MYO1D: variants seen among roughly 807,000 people sequenced by gnomAD.
MYO1D encodes the protein myosin ID.
In MYO1D, 83 loss-of-function variants were observed where a neutral mutation model predicts 122.0. The ratio of observed to expected loss-of-function variants is 0.68; its 90% CI spans 0.57 to 0.82. The LOEUF (loss-of-function observed/expected upper bound fraction) is 0.82. MYO1D is among the 40% of genes least tolerant of loss of function. MYO1D has a pLI of 0.00. For missense variants in MYO1D, 1,157 were observed against 1,269.5 expected (o/e 0.91, Z 1.35); for synonymous variants, 464 against 446.9 (o/e 1.04, Z -0.48).
chr17:32,819,597 A>C (rs2090643022), intron 1 of MYO1D, among the ~76,000 whole-genome samples: 1 of 152,220 alleles, frequency 6.6e-6, no homozygotes, highest in Non-Finnish European at 1.5e-5. Context: ...CAGATGCTTC[A>C]GGAAAGCAAT....
At position 32,524,739 on chromosome 17, in the gene MYO1D, T is replaced by C. The variant is rs147562918; in HGVS notation, c.2865-29824A>G. 6.8e-3 allele frequency among the ~76,000 whole-genome samples: 1,033 copies of C among 152,204 alleles called. 14 individuals carry two copies. Among genetic ancestry groups the C allele is most frequent in the African/African-American group, 0.023 (971 of 41,538 alleles). On this transcript the variant is annotated intron_variant, in intron 21 of 21. Coordinates refer to ENST00000318217, the MANE Select transcript of MYO1D (RefSeq NM_015194.3). ...CACCATGCCTGGCTGATTTTTGTAT[T>C]TTTAGTAGAGATGGGGTTTCACCAT... is the stretch of plus-strand genomic sequence containing the variant.
chr17:32,733,745 A>C (rs2089666529), intron 14 of MYO1D, among the ~76,000 whole-genome samples: 1 of 151,750 alleles, frequency 6.6e-6, no homozygotes, highest in South Asian at 2.1e-4. Flanking sequence ...TTTTTCCTTC[A>C]CTCAGTTAAC....
intron 20 of MYO1D, among the ~76,000 whole-genome samples, chr17:32,612,972 T>G (rs1371043091): frequency 6.6e-6 from 1 of 152,024 alleles, no homozygotes; most frequent in African/African-American, 2.4e-5. Flanking sequence ...TTTTGTCATG[T>G]TGCCCAGGCT....
chr17:32,809,127 T>G (rs953198545), intron 1 of MYO1D, among the ~76,000 whole-genome samples: 8 of 132,274 alleles, frequency 6.0e-5, no homozygotes, highest in African/African-American at 2.3e-4. Flanking sequence ...TTCATTTTTG[T>G]TTTTGATAAA....
intron 21 of MYO1D, among the ~76,000 whole-genome samples, chr17:32,560,116 G>A (rs1597897689): frequency 6.6e-6 from 1 of 152,150 alleles, no homozygotes; most frequent in African/African-American, 2.4e-5. Context: ...TTAGCCAGGT[G>A]TGGTGGCATG....
intron 1 of MYO1D, among the ~76,000 whole-genome samples, chr17:32,872,785 T>C (rs1309125625): frequency 1.4e-5 from 2 of 145,186 alleles, no homozygotes; most frequent in Non-Finnish European, 1.5e-5. Flanking sequence ...CAAGCTCCGC[T>C]TCCCGGGTTC....
chr17:32,846,377 C>T (rs2090937786), intron 1 of MYO1D, among the ~76,000 whole-genome samples: 1 of 152,126 alleles, frequency 6.6e-6, no homozygotes. Flanking sequence ...TAACAGAGTC[C>T]ACAATATGAG....
intron 21 of MYO1D, among the ~76,000 whole-genome samples, chr17:32,600,759 G>A (rs1404763839): frequency 1.3e-5 from 2 of 152,122 alleles, no homozygotes; most frequent in Non-Finnish European, 2.9e-5. Flanking sequence ...AACTTTCTCC[G>A]TATCAGCAAT....
At chr17:32,668,102 T>A (rs1410585501) in intron 16 of MYO1D, among the ~76,000 whole-genome samples, 2 of 152,218 alleles carry the variant, frequency 1.3e-5, no homozygotes, top group Non-Finnish European at 2.9e-5. Context: ...GTGACTGCTT[T>A]CTTTTGTTTG....
chr17:32,529,957 GT>G (rs1187050225), intron 21 of MYO1D: 1 of 152,136 alleles, frequency 6.6e-6, no homozygotes, highest in Non-Finnish European at 1.5e-5. Context: ...GAACAATAGC[GT>G]TTTAAACTCC....
chr17:32,754,766 C>T (rs567400244), intron 11 of MYO1D, among the ~76,000 whole-genome samples: 7 of 152,158 alleles, frequency 4.6e-5, no homozygotes, highest in East Asian at 1.9e-4. Context: ...GTCTCAGGGG[C>T]GATGATGATG....
At position 32,876,927 on chromosome 17, in the gene MYO1D, G is replaced by A; in HGVS notation, c.-55C>T. The A allele has an allele frequency of 8.3e-7, 1 of 1,206,300 alleles. No individual in the cohort carries two copies. Among genetic ancestry groups the A allele is most frequent in the Non-Finnish European group, 1.1e-6 (1 of 908,526 alleles). The allele number at this position is 1,206,300 out of a possible 1,614,324, so 74.7% of individuals were successfully genotyped here. ...GCTCGGGCCTCCGGGGCCGCTCCGT[G>A]GGCCCGCGATGAGCTCGGGAGGGGC... On this transcript the variant is annotated 5_prime_UTR_variant, in exon 1 of 22. Coordinates refer to ENST00000318217, the MANE Select transcript of MYO1D (RefSeq NM_015194.3).
At position 32,876,873 on chromosome 17, in the gene MYO1D, G is replaced by A. The variant is rs1477605284; in HGVS notation, c.-1C>T. Reference sequence around the variant, plus strand: ...ATTCCAGGCTCTCCTGCTCCGCCATGGCGCCAGCGCGGGGGCTCAGGTGGG... The same window carrying A: ...ATTCCAGGCTCTCCTGCTCCGCCATAGCGCCAGCGCGGGGGCTCAGGTGGG... On this transcript the variant is annotated 5_prime_UTR_variant, in exon 1 of 22. Transcript: ENST00000318217. 42 of 1,483,104 alleles carry A rather than the reference G, an allele frequency of 2.8e-5. No homozygotes were observed. The highest frequency in any genetic ancestry group is 3.3e-5 in the Non-Finnish European group (37 of 1,111,316). 91.9% of individuals were successfully genotyped at this position (1,483,104 alleles called of 1,614,324 possible).
At chr17:32,765,749 C>T (rs185065328) in intron 7 of MYO1D, among the ~76,000 whole-genome samples, 13 of 152,126 alleles carry the variant, frequency 8.5e-5, no homozygotes, top group Non-Finnish European at 1.5e-4. Flanking sequence ...TGAGCCACCG[C>T]GCCTGGCCTT....
At chr17:32,788,444 T>C (rs762160215) in intron 1 of MYO1D, among the ~76,000 whole-genome samples, 1 of 152,188 alleles carries the variant, frequency 6.6e-6, no homozygotes, top group South Asian at 2.1e-4. Flanking sequence ...CTTTGATCCA[T>C]CTTGAGTTGA....
chr17:32,608,872 C>T lies in MYO1D; in HGVS notation c.2710-3631G>A, dbSNP rs142367200. On this transcript the variant is annotated intron_variant, in intron 20 of 21. Coordinates refer to ENST00000318217, the MANE Select transcript of MYO1D (RefSeq NM_015194.3). ...CATGCAACAACATAGATAAATCTCACAGGCATTATGGTTGAATGAAAGCAG... is the reference window on the plus strand; with the variant it reads ...CATGCAACAACATAGATAAATCTCATAGGCATTATGGTTGAATGAAAGCAG... Among the ~76,000 whole-genome samples the T allele has an allele frequency of 9.8e-5, 15 of 152,306 alleles. 1 individual carries two copies. Among genetic ancestry groups the T allele is most frequent in the African/African-American group, 3.4e-4 (14 of 41,552 alleles).
At chr17:32,777,296 G>A (rs943884892) in intron 3 of MYO1D, among the ~76,000 whole-genome samples, 3 of 152,180 alleles carry the variant, frequency 2.0e-5, no homozygotes, top group East Asian at 1.9e-4. Flanking sequence ...GAAAGGCTAC[G>A]CAGGGTAGTG....
chr17:32,723,196 C>A (rs1158166087), intron 14 of MYO1D, among the ~76,000 whole-genome samples: 1 of 152,106 alleles, frequency 6.6e-6, no homozygotes, highest in Non-Finnish European at 1.5e-5. Flanking sequence ...ATTATCAAAC[C>A]TGAAGAGGGG....
chr17:32,609,927 T>C (rs1472220), intron 20 of MYO1D, among the ~76,000 whole-genome samples: 36 of 152,296 alleles, frequency 2.4e-4, no homozygotes, highest in African/African-American at 8.2e-4. Flanking sequence ...ATTAAAAATA[T>C]CATTTTCATT....
Sources: gnomAD v4.1 joint callset for allele counts (sites outside exome capture counted in the v4.1 genomes callset) on GRCh38, gnomAD v4.1.1 for gene constraint, MANE v1.5 for transcripts, NCBI Gene and HGNC (gene_info 2026-07-23, HGNC 2026-07-21) for gene names.